NUTM2E: variants seen among roughly 807,000 people sequenced by gnomAD.
NUTM2E encodes the protein family with sequence similarity 22, member E.
NUTM2E carries 3 observed loss-of-function variants against 26.1 expected under a neutral mutation model. The observed-to-expected ratio is 0.12, with a 90% CI of 0.05 to 0.30. The LOEUF (loss-of-function observed/expected upper bound fraction) is 0.30, where lower values mean the gene tolerates loss of function less well. NUTM2E is among the 10% of genes least tolerant of loss of function. The pLI is 1.00. For synonymous variants in NUTM2E, 13 were observed against 157.5 expected (o/e 0.08, Z 6.87); for missense variants, 62 against 381.3 (o/e 0.16, Z 6.97).
rs1345876933 is a variant in NUTM2E at position 79,836,791 on chromosome 10, T to G, written c.-2727-1518T>G. On this transcript the variant is annotated intron_variant, in intron 1 of 9. Transcript: ENST00000429984. ...TATAGCTGTTTTTTAAAAAAGAAAATAGAACTGAGAAGTGCTATAGCAATC... is the reference window on the plus strand; with the variant it reads ...TATAGCTGTTTTTTAAAAAAGAAAAGAGAACTGAGAAGTGCTATAGCAATC... Among the ~76,000 whole-genome samples, 4 of 151,844 alleles carry G rather than the reference T, an allele frequency of 2.6e-5. No individual in the cohort carries two copies. In the East Asian group the frequency reaches 7.7e-4, roughly 29 times the overall value.
chr10:79,831,840 T>G (rs1194196066), intron 1 of NUTM2E, among the ~76,000 whole-genome samples: 1 of 151,182 alleles, frequency 6.6e-6, no homozygotes, highest in African/African-American at 2.4e-5. Flanking sequence ...TTAGTTACTT[T>G]GGGCTGTTAA....
intron 1 of NUTM2E, among the ~76,000 whole-genome samples, chr10:79,835,406 C>G (rs1331297719): frequency 1.4e-5 from 2 of 142,542 alleles, no homozygotes; most frequent in African/African-American, 2.6e-5. Context: ...GAAATAGAAG[C>G]TTGAATTCCC....
intron 1 of NUTM2E, among the ~76,000 whole-genome samples, chr10:79,837,987 A>T (rs1359977034): frequency 6.6e-6 from 1 of 151,390 alleles, no homozygotes; most frequent in Non-Finnish European, 1.5e-5. Context: ...AGCCTCAGAA[A>T]CAAACATTTT....
At chr10:79,834,466 C>T (rs1048319267) in intron 1 of NUTM2E, among the ~76,000 whole-genome samples, 6 of 151,364 alleles carry the variant, frequency 4.0e-5, no homozygotes, top group African/African-American at 1.5e-4. Context: ...TTTGGGAGCC[C>T]GAGGCAGGCG....
At chr10:79,829,680 T>C (rs956964608) in intron 1 of NUTM2E, among the ~76,000 whole-genome samples, 1 of 151,858 alleles carries the variant, frequency 6.6e-6, no homozygotes, top group African/African-American at 2.4e-5. Flanking sequence ...CGTAGCTAAA[T>C]GGCCTGCGAA....
chr10:79,827,429 G>A (rs1030316531), intron 1 of NUTM2E, 72 bp downstream of exon 1: 9 of 151,492 alleles, frequency 5.9e-5, no homozygotes, highest in African/African-American at 2.2e-4. Flanking sequence ...TTTAATTACA[G>A]ATAGGATTAC....
chr10:79,850,004 C>T lies in NUTM2E; in HGVS notation c.2035C>T (p.Arg679Trp), dbSNP rs1413623151. The change falls in exon 10 of 10, where the codon CGG (arginine) becomes TGG (tryptophan). Residue 679 changes from arginine (R) to tryptophan (W), a missense_variant. Coordinates refer to ENST00000429984, the MANE Select transcript of NUTM2E (RefSeq NM_001355263.2). ...AACCTGCCCACCCCAGACGACTGCC[C>T]GGGACTCTCAGGGACGAGGCAGAGC... Reference protein sequence around the residue: ...METCPPQTTARDSQGRGRAHT... With the variant: ...METCPPQTTAWDSQGRGRAHT... 6 of 1,055,144 alleles carry T rather than the reference C, an allele frequency of 5.7e-6. 1 individual carries two copies. Among genetic ancestry groups the T allele is most frequent in the East Asian group, 2.7e-5 (1 of 36,834 alleles). 65.4% of individuals were successfully genotyped at this position (1,055,144 alleles called of 1,614,324 possible).
At chr10:79,836,060 T>G (rs1342143535) in intron 1 of NUTM2E, among the ~76,000 whole-genome samples, 2 of 151,512 alleles carry the variant, frequency 1.3e-5, no homozygotes, top group Non-Finnish European at 2.9e-5. Context: ...GAAACACATT[T>G]GATTTACCAA....
At chr10:79,827,581 A>T (rs1424864512) in intron 1 of NUTM2E, 4 of 151,022 alleles carry the variant, frequency 2.6e-5, no homozygotes, top group African/African-American at 7.3e-5. Context: ...AAAAAAAAAA[A>T]AAATTTTGGA....
At chr10:79,838,719 G>C (rs1589308463) in intron 2 of NUTM2E, among the ~76,000 whole-genome samples, 61 bp from the exon 3 acceptor site, 1 of 151,986 alleles carries the variant, frequency 6.6e-6, no homozygotes, top group Admixed American at 6.6e-5. Context: ...GGACACTGGT[G>C]ACCAGTGGGA....
At chr10:79,849,004 T>C (rs1842037240) in intron 8 of NUTM2E, 109 bp downstream of exon 8, 8 of 809,506 alleles carry the variant, frequency 9.9e-6, no homozygotes, top group South Asian at 1.7e-5. Flanking sequence ...TGTATTTCCA[T>C]GGATTTGAGT....
rs1841983379 is a variant in NUTM2E at position 79,839,090 on chromosome 10, T to A, written c.-2139T>A. On this transcript the variant is annotated 5_prime_UTR_variant, in exon 3 of 10. Transcript: ENST00000429984. ...ACCGTGCCTCTGAGAAACCAGCGCGTCCGCAACGATCACTCCTAATTTTCG... is the reference window on the plus strand; with the variant it reads ...ACCGTGCCTCTGAGAAACCAGCGCGACCGCAACGATCACTCCTAATTTTCG... 6.6e-6 allele frequency among the ~76,000 whole-genome samples: 1 copy of A among 151,312 alleles called. No homozygotes were observed. Among genetic ancestry groups the A allele is most frequent in the African/African-American group, 2.4e-5 (1 of 41,204 alleles).
rs900052223 is a variant in NUTM2E at position 79,840,722 on chromosome 10, G to A, written c.-1019G>A. Among the ~76,000 whole-genome samples, 7 of 150,616 alleles carry A rather than the reference G, an allele frequency of 4.6e-5. 2 individuals carry two copies. Among genetic ancestry groups the A allele is most frequent in the Admixed American group, 2.0e-4 (3 of 15,112 alleles). ...AAAGGGCAAATGCTTCGTAAGTGCC[G>A]ACAGGGTGTGTTTCAGTGAATGTTT... On this transcript the variant is annotated 5_prime_UTR_variant, in exon 4 of 10. Transcript: ENST00000429984.
At chr10:79,827,844 C>G (rs1244236412) in intron 1 of NUTM2E, among the ~76,000 whole-genome samples, 1 of 143,282 alleles carries the variant, frequency 7.0e-6, no homozygotes, top group East Asian at 2.0e-4. Flanking sequence ...GCTATTGTTG[C>G]CCAGGCTGGC....
chr10:79,838,405 G>A lies in NUTM2E; in HGVS notation c.-2631G>A, dbSNP rs529024576. On this transcript the variant is annotated 5_prime_UTR_variant, in exon 2 of 10. Transcript: ENST00000429984. ...GCTTCACAACTTACTCAATGAGGTC[G>A]TCCGTGAGAACTTCACTGTTTTACG... Among the ~76,000 whole-genome samples the A allele has an allele frequency of 4.9e-5, 7 of 141,778 alleles. No homozygotes were observed. In the South Asian group the frequency reaches 1.0e-3, roughly 21 times the overall value. 93.0% of individuals were successfully genotyped at this position (141,778 alleles called of 152,430 possible).
At chr10:79,834,695 C>A (rs1275693949) in intron 1 of NUTM2E, among the ~76,000 whole-genome samples, 3 of 147,416 alleles carry the variant, frequency 2.0e-5, no homozygotes, top group Non-Finnish European at 1.5e-5. Flanking sequence ...AAATAAAATA[C>A]AATAAAAAAT....
At chr10:79,849,085 TGTGTAG>T (rs1185208760) in intron 8 of NUTM2E, among the ~76,000 whole-genome samples, 190 bp downstream of exon 8, 1 of 110,268 alleles carries the variant, frequency 9.1e-6, no homozygotes, top group East Asian at 2.2e-4. Flanking sequence ...TTTGTGTGTC[TGTGTAG>T]GTGTGAGTGT....
intron 1 of NUTM2E, among the ~76,000 whole-genome samples, chr10:79,832,438 T>C (rs1841933161): frequency 6.6e-6 from 1 of 151,704 alleles, no homozygotes; most frequent in South Asian, 2.1e-4. Context: ...AGGAGCTGGT[T>C]GTCAACTGAT....
chr10:79,849,013 G>C (rs1212196584), intron 8 of NUTM2E, 118 bp downstream of exon 8: 1 of 871,758 alleles, frequency 1.1e-6, no homozygotes, highest in Non-Finnish European at 1.7e-6. Context: ...ATGGATTTGA[G>C]TGTCTGTGTA....
Sources: gnomAD v4.1 joint callset for allele counts (sites outside exome capture counted in the v4.1 genomes callset) on GRCh38, gnomAD v4.1.1 for gene constraint, MANE v1.5 for transcripts, NCBI Gene and HGNC (gene_info 2026-07-23, HGNC 2026-07-21) for gene names.